The following PVT1 variants were observed in gnomAD, a reference collection of about 807,000 sequenced individuals.
The protein encoded by PVT1 is Pvt1 oncogene, also known as CXCR4/PVT1 fusion.
intron 2 of PVT1, chr8:127,855,019 A>G (rs542804603): frequency 5.1e-6 from 2 of 395,104 alleles, no homozygotes; most frequent in Non-Finnish European, 8.9e-6. Context: ...ACAGAGTTAG[A>G]AAGCAGCATG....
intron 3 of PVT1, among the ~76,000 whole-genome samples, chr8:127,980,298 A>G (rs1009622134): frequency 2.6e-5 from 4 of 152,196 alleles, no homozygotes; most frequent in Non-Finnish European, 1.5e-5. Context: ...TTCATTTAGC[A>G]AATATGTATA....
At chr8:128,058,965 A>G (rs1314435680) in intron 4 of PVT1, among the ~76,000 whole-genome samples, 4 of 152,146 alleles carry the variant, frequency 2.6e-5, no homozygotes, top group African/African-American at 9.7e-5. Flanking sequence ...CTTACTGTGT[A>G]GTGAGTGCCC....
chr8:127,948,361 A>G, intron 3 of PVT1: 1 of 175,722 alleles, frequency 5.7e-6, no homozygotes, highest in Non-Finnish European at 1.2e-5. Context: ...GAAAATTCAT[A>G]GATCCATCTC....
At chr8:127,976,646 T>C (rs1056128692) in intron 3 of PVT1, among the ~76,000 whole-genome samples, 2 of 152,140 alleles carry the variant, frequency 1.3e-5, no homozygotes, top group African/African-American at 4.8e-5. Flanking sequence ...TAACCAGGCA[T>C]CAGGGGCTTG....
intron 2 of PVT1, among the ~76,000 whole-genome samples, chr8:127,864,682 G>T (rs1360903204): frequency 6.6e-6 from 1 of 152,032 alleles, no homozygotes; most frequent in Non-Finnish European, 1.5e-5. Flanking sequence ...TGAGTAGCTG[G>T]GACTACAGGC....
At chr8:127,929,582 C>T (rs1038892526) in intron 3 of PVT1, among the ~76,000 whole-genome samples, 3 of 152,184 alleles carry the variant, frequency 2.0e-5, no homozygotes, top group East Asian at 1.9e-4. Flanking sequence ...CTGGCTAACA[C>T]GGTGAAACCC....
At chr8:127,936,034 C>CTTTTTTTTTTTTTT (rs937905808) in intron 3 of PVT1, among the ~76,000 whole-genome samples, 8 of 101,264 alleles carry the variant, frequency 7.9e-5, no homozygotes, top group African/African-American at 2.5e-4. Flanking sequence ...CTCTCTCTCT[C>CTTTTTTTTTTTTTT]TTTTTTTTTT....
intron 2 of PVT1, among the ~76,000 whole-genome samples, chr8:127,842,784 A>C (rs746940970): frequency 4.6e-5 from 7 of 152,314 alleles, no homozygotes; most frequent in Non-Finnish European, 2.9e-5. Context: ...ATTTCAAGAG[A>C]TAGCATCTGA....
chr8:127,803,398 G>A (rs1814491078), intron 2 of PVT1: 1 of 152,178 alleles, frequency 6.6e-6, no homozygotes, highest in African/African-American at 2.4e-5. Flanking sequence ...CAAAGTGCTG[G>A]GATTACAGGC....
intron 4 of PVT1, among the ~76,000 whole-genome samples, chr8:128,057,488 A>G (rs1367890046): frequency 6.6e-6 from 1 of 152,150 alleles, no homozygotes; most frequent in Non-Finnish European, 1.5e-5. Flanking sequence ...CTGCAGGGAT[A>G]TTTTATCCAA....
chr8:127,836,576 T>C (rs1207978284), intron 2 of PVT1, among the ~76,000 whole-genome samples: 1 of 152,190 alleles, frequency 6.6e-6, no homozygotes, highest in Non-Finnish European at 1.5e-5. Context: ...TTGTTGGAGC[T>C]GGCCAGAACT....
At chr8:128,075,903 G>T (rs1458129261) in intron 5 of PVT1, among the ~76,000 whole-genome samples, 5 of 152,152 alleles carry the variant, frequency 3.3e-5, no homozygotes, top group Non-Finnish European at 7.4e-5. Context: ...GACAAACCCA[G>T]CCAGGTTCAC....
At chr8:128,087,209 G>T (rs1814269528) in intron 5 of PVT1, among the ~76,000 whole-genome samples, 1 of 152,308 alleles carries the variant, frequency 6.6e-6, no homozygotes. Context: ...CAGCTCAGAT[G>T]TGACAAAACT....
At chr8:128,082,819 T>G (rs1814204414) in intron 5 of PVT1, 1 of 152,232 alleles carries the variant, frequency 6.6e-6, no homozygotes, top group African/African-American at 2.4e-5. Flanking sequence ...GTCAATAGAC[T>G]GAGATGGTGG....
rs190787252 is a variant in PVT1 at position 127,823,026 on chromosome 8, A to T, written n.372+26955A>T. Among the ~76,000 whole-genome samples the T allele has an allele frequency of 7.2e-4, 109 of 152,350 alleles. 7 individuals carry two copies. The South Asian group carries it at 0.021, about 30-fold the overall frequency. ...AGCAAGAGTCTTTGGCAAGAAGATC[A>T]AGAGAAGAAAGATTGCTATTTCCAA... On this transcript the variant is annotated intron_variant and non_coding_transcript_variant, in intron 2 of 10. Transcript: ENST00000651587.
At chr8:127,806,457 CT>C (rs1416998324) in intron 2 of PVT1, among the ~76,000 whole-genome samples, 1 of 151,314 alleles carries the variant, frequency 6.6e-6, no homozygotes, top group East Asian at 1.9e-4. Flanking sequence ...ACGACTCCGT[CT>C]AAAAAATTAA....
intron 5 of PVT1, chr8:128,082,737 C>T (rs1168222672): frequency 2.0e-5 from 3 of 152,190 alleles, no homozygotes; most frequent in Non-Finnish European, 4.4e-5. Context: ...TACTCCTTTC[C>T]TTTCTTCCTC....
chr8:127,917,762 C>T (rs1250642374), intron 3 of PVT1, among the ~76,000 whole-genome samples: 1 of 152,272 alleles, frequency 6.6e-6, no homozygotes, highest in Non-Finnish European at 1.5e-5. Flanking sequence ...TTGGCAGAGT[C>T]TGCCTCTGCA....
At chr8:127,796,877 C>CTTT (rs34435526) in intron 2 of PVT1, among the ~76,000 whole-genome samples, 18 of 121,116 alleles carry the variant, frequency 1.5e-4, no homozygotes, top group East Asian at 4.7e-4. Context: ...TCTTGTTTTG[C>CTTT]TTTTTTTTTT....
Sources: gnomAD v4.1 joint callset for allele counts (sites outside exome capture counted in the v4.1 genomes callset) on GRCh38, gnomAD v4.1.1 for gene constraint, MANE v1.5 for transcripts, NCBI Gene and HGNC (gene_info 2026-07-23, HGNC 2026-07-21) for gene names.